LRRN1: variants seen among roughly 807,000 people sequenced by gnomAD.
LRRN1 encodes leucine rich repeat neuronal 1.
LRRN1 carries 14 observed loss-of-function variants against 45.8 expected under a neutral mutation model. The observed-to-expected ratio is 0.31, with a 90% CI of 0.20 to 0.48. The LOEUF (loss-of-function observed/expected upper bound fraction) is 0.48. Ranked by LOEUF, LRRN1 falls within the 20% of genes least tolerant of loss-of-function variation. LRRN1 has a pLI of 0.99. For synonymous variants in LRRN1, 359 were observed against 330.1 expected, an observed-to-expected ratio of 1.09 and a Z score of -0.95; for missense variants, 789 against 874.2, an observed-to-expected ratio of 0.90 and a Z score of 1.23.
chr3:3,845,573 T>C lies in LRRN1; in HGVS notation c.932T>C (p.Leu311Ser), dbSNP rs749303081. 6.2e-7 allele frequency: 1 copy of C among 1,614,074 alleles called. No homozygotes were observed. Among genetic ancestry groups the C allele is most frequent in the East Asian group, 2.2e-5 (1 of 44,868 alleles). The change falls in exon 2 of 2, where the codon TTG becomes TCG. Residue 311 changes from leucine (L) to serine (S), a missense_variant. Leu to Ser is a moderately radical substitution (Grantham distance 145). Coordinates refer to ENST00000319331, the MANE Select transcript of LRRN1 (RefSeq NM_020873.7). This position sits in a 1 kb window ranked among gnomAD's most constrained non-coding sequence, Gnocchi z 6.5. ...GTCGACCGCTATGCCCTGGATAACT[T>C]GCCTGAACTCACAAAGCTGGAAGCC... is the stretch of plus-strand genomic sequence containing the variant. ...VSVDRYALDN[L>S]PELTKLEATN...
chr3:3,824,585 T>A (rs1435599952), intron 1 of LRRN1, among the ~76,000 whole-genome samples: 2 of 152,174 alleles, frequency 1.3e-5, no homozygotes, highest in Admixed American at 6.5e-5. Flanking sequence ...TTGAGCTATC[T>A]GTACAACCCC....
At chr3:3,829,574 T>C (rs1693319511) in intron 1 of LRRN1, among the ~76,000 whole-genome samples, 1 of 152,188 alleles carries the variant, frequency 6.6e-6, no homozygotes, top group Non-Finnish European at 1.5e-5. Context: ...GCAAATATTG[T>C]CACCTAGTTG....
Position 3,846,593 on chromosome 3 carries a change from A to C in LRRN1, c.1952A>C (p.Tyr651Ser), listed in dbSNP as rs774596507. ...ATTAGCCTTGCGTCCATTGCTGTGT[A>C]CTTTGCCAAAAGATTTAAGAGAAAA... ...AVISLASIAV[Y>S]FAKRFKRKNY... Residue 651 changes from tyrosine to serine, a missense_variant, in exon 2 of 2, where the codon TAC (tyrosine) becomes TCC (serine). Physicochemically the swap from Tyr to Ser is moderately radical, Grantham distance 144. Coordinates refer to ENST00000319331, the MANE Select transcript of LRRN1 (RefSeq NM_020873.7). The surrounding 1 kb of genome is among the most constrained non-coding windows in gnomAD (Gnocchi z 5.7). 1 of 1,614,094 alleles carries C rather than the reference A, an allele frequency of 6.2e-7. No homozygotes were observed. The highest frequency in any genetic ancestry group is 8.5e-7 in the Non-Finnish European group (1 of 1,180,014).
chr3:3,841,925 G>C (rs1231667660), intron 1 of LRRN1, among the ~76,000 whole-genome samples: 3 of 152,184 alleles, frequency 2.0e-5, no homozygotes, highest in Non-Finnish European at 4.4e-5. Context: ...ATGGGGATGT[G>C]TTCTGAGAAA....
Position 3,816,607 on chromosome 3 carries a change from A to G in LRRN1, c.-279+16688A>G, listed in dbSNP as rs1692990233. 6.6e-6 allele frequency among the ~76,000 whole-genome samples: 1 copy of G among 152,198 alleles called. No individual in the cohort carries two copies. Among genetic ancestry groups the G allele is most frequent in the Non-Finnish European group, 1.5e-5 (1 of 68,030 alleles). On this transcript the variant is annotated intron_variant, in intron 1 of 1. Coordinates refer to ENST00000319331, the MANE Select transcript of LRRN1 (RefSeq NM_020873.7). This position sits in a 1 kb window ranked among gnomAD's most constrained non-coding sequence, Gnocchi z 4.0. Reference sequence around the variant, plus strand: ...AAAACTATGTCTTAGTAAAAAATATATAACCACCCTTATTAAAGGCAAAAA... The same window carrying G: ...AAAACTATGTCTTAGTAAAAAATATGTAACCACCCTTATTAAAGGCAAAAA...
At chr3:3,807,593 A>G (rs1692792229) in intron 1 of LRRN1, among the ~76,000 whole-genome samples, 1 of 152,152 alleles carries the variant, frequency 6.6e-6, no homozygotes, top group Non-Finnish European at 1.5e-5. Flanking sequence ...TCTCTGGGAT[A>G]ATGAGTGTAA....
At chr3:3,805,978 C>T (rs1176228897) in intron 1 of LRRN1, among the ~76,000 whole-genome samples, 3 of 152,142 alleles carry the variant, frequency 2.0e-5, no homozygotes, top group African/African-American at 7.2e-5. Context: ...TTATTGAGTG[C>T]TCTGTAGGAA....
intron 1 of LRRN1, among the ~76,000 whole-genome samples, chr3:3,824,300 A>C: frequency 6.6e-6 from 1 of 152,210 alleles, no homozygotes; most frequent in East Asian, 1.9e-4. Context: ...CCTATCTTGA[A>C]TGTCCAACTC....
chr3:3,829,789 G>A (rs1693324855), intron 1 of LRRN1, among the ~76,000 whole-genome samples: 1 of 152,200 alleles, frequency 6.6e-6, no homozygotes, highest in South Asian at 2.1e-4. Flanking sequence ...TGAGTCCACA[G>A]ATGTTAGTCT....
rs551919462 is a variant in LRRN1 at position 3,846,294 on chromosome 3, G to A, written c.1653G>A (p.Thr551=). The change falls in exon 2 of 2, where the codon ACG becomes ACA. Residue 551 remains threonine (T), a synonymous_variant. Coordinates refer to ENST00000319331, the MANE Select transcript of LRRN1 (RefSeq NM_020873.7). This position sits in a 1 kb window ranked among gnomAD's most constrained non-coding sequence, Gnocchi z 5.7. ...VSWKVNSNVM[T]SNLKWSSATM... ...GGAAAGTTAATTCCAATGTCATGACGTCAAACTTAAAATGGTCGTCTGCCA... is the reference window on the plus strand; with the variant it reads ...GGAAAGTTAATTCCAATGTCATGACATCAAACTTAAAATGGTCGTCTGCCA... 2.2e-5 allele frequency: 35 copies of A among 1,613,960 alleles called. No individual in the cohort carries two copies. In the South Asian group the frequency reaches 2.5e-4, roughly 12 times the overall value.
rs201302330 is a variant in LRRN1, at chr3:3,842,401, A to AT, written c.-278-1951dup. Among the ~76,000 whole-genome samples, 470 of 146,036 alleles carry AT rather than the reference A, an allele frequency of 3.2e-3. 2 individuals are homozygous for AT. Among genetic ancestry groups the AT allele is most frequent in the South Asian group, 7.6e-3 (35 of 4,614 alleles). ...TCACACTTGCCAGAATCTGGATTTA[A>AT]TTTTTTTTTTTTATTGTTAGACCAG... is the stretch of plus-strand genomic sequence containing the variant. On this transcript the variant is annotated intron_variant, in intron 1 of 1. Transcript: ENST00000319331.
chr3:3,845,504 G>T lies in LRRN1; in HGVS notation c.863G>T (p.Arg288Leu). 6.2e-7 allele frequency: 1 copy of T among 1,613,996 alleles called. No homozygotes were observed. Among genetic ancestry groups the T allele is most frequent in the Non-Finnish European group, 8.5e-7 (1 of 1,180,018 alleles). ...GAAGGGGACTTCAAAAATATGCTTC[G>T]GTTAAAAGAACTGGGAATCAACAAT... ...IQEGDFKNML[R>L]LKELGINNMG... Residue 288 changes from arginine (R) to leucine (L), a missense_variant, in exon 2 of 2, where the codon CGG becomes CTG. Physicochemically the swap from Arg to Leu is moderately radical, Grantham distance 102. Coordinates refer to ENST00000319331, the MANE Select transcript of LRRN1 (RefSeq NM_020873.7). This position sits in a 1 kb window ranked among gnomAD's most constrained non-coding sequence, Gnocchi z 6.5.
At chr3:3,842,182 C>A (rs1432779406) in intron 1 of LRRN1, among the ~76,000 whole-genome samples, 1 of 152,096 alleles carries the variant, frequency 6.6e-6, no homozygotes, top group East Asian at 1.9e-4. Flanking sequence ...CTGTATGGGA[C>A]TACCATTGTA....
rs1405102845 is a variant in LRRN1, at chr3:3,848,085, A to G, written c.*1293A>G. 3.9e-5 allele frequency among the ~76,000 whole-genome samples: 6 copies of G among 152,188 alleles called. No individual in the cohort carries two copies. Among genetic ancestry groups the G allele is most frequent in the Admixed American group, 6.5e-5 (1 of 15,270 alleles). ...CCACATTCTTCATCAAAGTACAAAA[A>G]CGTCTGTGGAGTGTCACAAACTGTA... On this transcript the variant is annotated 3_prime_UTR_variant, in exon 2 of 2. Transcript: ENST00000319331.
chr3:3,824,099 A>T (rs967856830), intron 1 of LRRN1, among the ~76,000 whole-genome samples: 4 of 152,208 alleles, frequency 2.6e-5, no homozygotes, highest in African/African-American at 9.6e-5. Context: ...ACCAGACAGC[A>T]TTCAGGCATG....
At chr3:3,825,980 C>T (rs1693207073) in intron 1 of LRRN1, among the ~76,000 whole-genome samples, 1 of 152,030 alleles carries the variant, frequency 6.6e-6, no homozygotes, top group South Asian at 2.1e-4. Flanking sequence ...GGCCATGGGC[C>T]ATAAAGGGAC....
intron 1 of LRRN1, chr3:3,801,351 TAA>T (rs1692648710): frequency 6.6e-6 from 1 of 152,266 alleles, no homozygotes; most frequent in Non-Finnish European, 1.5e-5. Context: ...GAGGATTTTC[TAA>T]AAGACAACAT....
chr3:3,822,342 T>A (rs950019922), intron 1 of LRRN1, among the ~76,000 whole-genome samples: 12 of 152,210 alleles, frequency 7.9e-5, no homozygotes, highest in African/African-American at 2.9e-4. Flanking sequence ...AAAAATTAGG[T>A]GTCTGCAAGG....
At chr3:3,800,769 G>A (rs1692633485) in intron 1 of LRRN1, 1 of 152,906 alleles carries the variant, frequency 6.5e-6, no homozygotes, top group African/African-American at 2.4e-5. Flanking sequence ...CCCAGAAGGA[G>A]TGGCAGCCTC....
Sources: gnomAD v4.1 joint callset for allele counts (sites outside exome capture counted in the v4.1 genomes callset) on GRCh38, gnomAD v4.1.1 for gene constraint, Gnocchi (gnomAD v3.1) non-coding constraint, MANE v1.5 for transcripts, NCBI Gene and HGNC (gene_info 2026-07-23, HGNC 2026-07-21) for gene names.